KCNB2: variants seen among roughly 807,000 people sequenced by gnomAD.
KCNB2 encodes delayed rectifier potassium channel protein.
In KCNB2, 15 loss-of-function variants were observed where a neutral mutation model predicts 61.5. The ratio of observed to expected loss-of-function variants is 0.24; its 90% confidence interval spans 0.16 to 0.38. KCNB2 has a LOEUF of 0.38. Ranked by LOEUF, KCNB2 falls within the 10% of genes least tolerant of loss-of-function variation. KCNB2 has a pLI of 1.00. For synonymous variants in KCNB2, 457 were observed against 446.0 expected (o/e 1.02, Z -0.31); for missense variants, 828 against 1,125.2 (o/e 0.74, Z 3.78).
At chr8:72,723,139 A>C (rs1807578878) in intron 2 of KCNB2, among the ~76,000 whole-genome samples, 1 of 152,196 alleles carries the variant, frequency 6.6e-6, no homozygotes. Context: ...TGCTTTTTAT[A>C]CTGTTTGATT....
chr8:72,932,858 C>A (rs1227177195), intron 2 of KCNB2, among the ~76,000 whole-genome samples: 1 of 152,104 alleles, frequency 6.6e-6, no homozygotes, highest in East Asian at 1.9e-4. Flanking sequence ...AAAAACTCTA[C>A]AATAAGACAA....
intron 2 of KCNB2, among the ~76,000 whole-genome samples, chr8:72,592,756 A>G (rs933197681): frequency 6.6e-6 from 1 of 152,128 alleles, no homozygotes; most frequent in Non-Finnish European, 1.5e-5. Context: ...AACACCCTGA[A>G]GGTCCATGCT....
chr8:72,858,166 G>A (rs973638216), intron 2 of KCNB2, among the ~76,000 whole-genome samples: 5 of 152,052 alleles, frequency 3.3e-5, no homozygotes, highest in African/African-American at 1.2e-4. Flanking sequence ...ATATATTTCA[G>A]TACTTTGAAC....
intron 1 of KCNB2, among the ~76,000 whole-genome samples, chr8:72,565,673 ACAC>A (rs999743044): frequency 6.6e-6 from 1 of 152,054 alleles, no homozygotes; most frequent in Non-Finnish European, 1.5e-5. Context: ...ACACACACAC[ACAC>A]AACACACACA....
intron 2 of KCNB2, among the ~76,000 whole-genome samples, chr8:72,893,992 C>A (rs1416702799): frequency 6.6e-6 from 1 of 152,182 alleles, no homozygotes; most frequent in East Asian, 1.9e-4. Flanking sequence ...ACAGAGGACA[C>A]AACAGTGAGC....
chr8:72,624,502 A>T (rs1349984792), intron 2 of KCNB2, among the ~76,000 whole-genome samples: 1 of 152,194 alleles, frequency 6.6e-6, no homozygotes, highest in Non-Finnish European at 1.5e-5. Flanking sequence ...GCTTTTAGCA[A>T]ATGGTTTTTG....
At chr8:72,857,445 G>A (rs1424204194) in intron 2 of KCNB2, among the ~76,000 whole-genome samples, 1 of 152,196 alleles carries the variant, frequency 6.6e-6, no homozygotes, top group Non-Finnish European at 1.5e-5. Context: ...AGCTCATGAA[G>A]AGTGCAGGGT....
At chr8:72,655,947 G>A (rs1389057758) in intron 2 of KCNB2, among the ~76,000 whole-genome samples, 1 of 152,146 alleles carries the variant, frequency 6.6e-6, no homozygotes, top group African/African-American at 2.4e-5. Flanking sequence ...ATAGTCAGAT[G>A]AGAGACAATT....
intron 2 of KCNB2, among the ~76,000 whole-genome samples, chr8:72,632,648 A>G (rs1196836449): frequency 1.3e-5 from 2 of 152,184 alleles, no homozygotes; most frequent in Non-Finnish European, 2.9e-5. Context: ...TAGCATCATC[A>G]TGATTCTGCC....
At chr8:72,561,711 ATATATATATATATATATCTATATC>A (rs1264324594) in intron 1 of KCNB2, among the ~76,000 whole-genome samples, 1,302 of 23,938 alleles carry the variant, frequency 0.054, 128 homozygotes, top group African/African-American at 0.3. Context: ...ATATATATAT[ATATATATATATATATATCTATATC>A]TATATATATA....
chr8:72,583,962 A>AAAC (rs1554577515), intron 2 of KCNB2, among the ~76,000 whole-genome samples: 16 of 148,984 alleles, frequency 1.1e-4, no homozygotes, highest in African/African-American at 1.2e-4. Flanking sequence ...AAAAAAAAAA[A>AAAC]AAACAAACAA....
intron 2 of KCNB2, among the ~76,000 whole-genome samples, chr8:72,920,764 T>A (rs991010655): frequency 6.6e-6 from 1 of 152,004 alleles, no homozygotes; most frequent in Non-Finnish European, 1.5e-5. Flanking sequence ...TAGTGATTAA[T>A]GAAAATGTAT....
At chr8:72,566,906 T>C (rs1379496261) in intron 1 of KCNB2, among the ~76,000 whole-genome samples, 1 of 151,888 alleles carries the variant, frequency 6.6e-6, no homozygotes, top group East Asian at 1.9e-4. Flanking sequence ...AGAGTTTTAG[T>C]GAGGGTGACC....
chr8:72,823,373 T>C (rs1293912839), intron 2 of KCNB2, among the ~76,000 whole-genome samples: 1 of 152,148 alleles, frequency 6.6e-6, no homozygotes, highest in Admixed American at 6.5e-5. Context: ...AAATCCAGCC[T>C]GGGGAAGCAG....
intron 2 of KCNB2, among the ~76,000 whole-genome samples, chr8:72,603,565 TTG>T (rs1338369969): frequency 6.6e-6 from 1 of 152,208 alleles, no homozygotes; most frequent in African/African-American, 2.4e-5. Context: ...TACTCATTTC[TTG>T]TGTGTCAGCG....
chr8:72,573,639 T>C (rs1456679672), intron 2 of KCNB2, among the ~76,000 whole-genome samples: 1 of 151,186 alleles, frequency 6.6e-6, no homozygotes, highest in Non-Finnish European at 1.5e-5. Flanking sequence ...ATCCTCTACA[T>C]TGAGGCCCCT....
At chr8:72,670,759 C>T (rs2919414) in intron 2 of KCNB2, among the ~76,000 whole-genome samples, 17,751 of 152,214 alleles carry the variant, frequency 0.12, 1,533 homozygotes, top group East Asian at 0.51. Flanking sequence ...TAATCATTTG[C>T]CTTTGCTCCA....
At chr8:72,775,103 A>C (rs1212535353) in intron 2 of KCNB2, among the ~76,000 whole-genome samples, 1 of 152,032 alleles carries the variant, frequency 6.6e-6, no homozygotes, top group Non-Finnish European at 1.5e-5. Context: ...CTAGCTCCTC[A>C]CCTTCCCCCT....
chr8:72,741,130 G>T (rs1807951446), intron 2 of KCNB2, among the ~76,000 whole-genome samples: 1 of 152,016 alleles, frequency 6.6e-6, no homozygotes, highest in Non-Finnish European at 1.5e-5. Flanking sequence ...ACATTTCATA[G>T]AAGCTGATTC....
Sources: allele counts gnomAD v4.1 joint callset (sites outside exome capture counted in the v4.1 genomes callset), GRCh38; gene constraint gnomAD v4.1.1; transcripts MANE v1.5; gene names NCBI Gene and HGNC (gene_info 2026-07-23, HGNC 2026-07-21).